Variants in FSD1L observed in about 807,000 individuals in gnomAD.
FSD1L encodes FSD1-like protein.
In FSD1L, 45 loss-of-function variants were observed where a neutral mutation model predicts 71.6. The observed-to-expected ratio is 0.63, with a 90% CI of 0.49 to 0.81. The LOEUF (loss-of-function observed/expected upper bound fraction) is 0.81. Ranked by LOEUF, FSD1L falls within the 30% of genes least tolerant of loss-of-function variation. The pLI, the probability that FSD1L is intolerant of heterozygous loss-of-function variation, is 0.00. For missense variants in FSD1L, 561 were observed against 618.1 expected, an observed-to-expected ratio of 0.91 and a Z score of 0.98; for synonymous variants, 197 against 207.2, an observed-to-expected ratio of 0.95 and a Z score of 0.42.
At chr9:105,522,254 G>C in intron 10 of FSD1L, 2 of 1,613,018 alleles carry the variant, frequency 1.2e-6, no homozygotes, top group South Asian at 2.2e-5. Flanking sequence ...TGACTATGGA[G>C]ACATTAACTA....
chr9:105,491,182 T>C (rs2131745149), intron 7 of FSD1L, among the ~76,000 whole-genome samples: 1 of 152,050 alleles, frequency 6.6e-6, no homozygotes, highest in South Asian at 2.1e-4. Flanking sequence ...TTTATTTCAT[T>C]GAGCAGTGAT....
At chr9:105,468,939 C>T (rs552521111) in intron 4 of FSD1L, among the ~76,000 whole-genome samples, 1 of 152,312 alleles carries the variant, frequency 6.6e-6, no homozygotes, top group Admixed American at 6.5e-5. Context: ...ATTTCCCCTT[C>T]TTACTAGCCC....
At chr9:105,493,826 G>C (rs1833139603) in intron 7 of FSD1L, among the ~76,000 whole-genome samples, 1 of 152,066 alleles carries the variant, frequency 6.6e-6, no homozygotes, top group Non-Finnish European at 1.5e-5. Flanking sequence ...TTGAATATTG[G>C]CCCCCACTCT....
At position 105,546,496 on chromosome 9, in the gene FSD1L, A is replaced by G; in HGVS notation, c.*13A>G. 1 of 1,530,668 alleles carries G rather than the reference A, an allele frequency of 6.5e-7. No homozygotes were observed. Among genetic ancestry groups the G allele is most frequent in the South Asian group, 1.3e-5 (1 of 79,568 alleles). 94.8% of individuals were successfully genotyped at this position (1,530,668 alleles called of 1,614,324 possible). A position where few individuals can be genotyped will look rare whatever the true frequency, so the allele number is the denominator to read the frequency against. ...TGTTACTCAATAGTGTCTACTCAGA[A>G]TACGTTTACCCTCCGTCTTGATTAG... On this transcript the variant is annotated 3_prime_UTR_variant, in exon 14 of 14. Coordinates refer to ENST00000481272, the MANE Select transcript of FSD1L (RefSeq NM_001145313.3).
rs79604338 is a variant in FSD1L, at chr9:105,547,292, T to TGTGTTTG, written c.*812_*818dup. ...CTAGTTTAATCCTACCTTTAATAGT[T>TGTGTTTG]GTGTTTGGTAAAATTCCCACTTGAA... On this transcript the variant is annotated 3_prime_UTR_variant, in exon 14 of 14. Transcript: ENST00000481272. The TGTGTTTG allele has an allele frequency of 0.27, 41,090 of 152,004 alleles. 5,714 individuals are homozygous for TGTGTTTG. Among genetic ancestry groups the TGTGTTTG allele is most frequent in the Non-Finnish European group, 0.31 (21,058 of 67,708 alleles). 9.4% of individuals were successfully genotyped at this position (152,004 alleles called of 1,614,324 possible).
At chr9:105,533,416 C>CTTTTTTTTTTTTTTTT (rs754896606) in intron 10 of FSD1L, among the ~76,000 whole-genome samples, 686 of 29,062 alleles carry the variant, frequency 0.024, 246 homozygotes, top group African/African-American at 0.035. Context: ...CCATTTCCAT[C>CTTTTTTTTTTTTTTTT]TTTTTTTTTT....
chr9:105,526,121 T>C lies in FSD1L; in HGVS notation c.1026-8372T>C, dbSNP rs368100823. On this transcript the variant is annotated intron_variant, in intron 10 of 13. Coordinates refer to ENST00000481272, the MANE Select transcript of FSD1L (RefSeq NM_001145313.3). ...GAGGTTCCCTTCTTTGGTCCCCTTT[T>C]TGATGGTGCTATTGTGAATGGAAAG... 25 of 1,557,646 alleles carry C rather than the reference T, an allele frequency of 1.6e-5. No homozygotes were observed. The South Asian group carries it at 2.3e-4, about 15-fold the overall frequency.
At chr9:105,497,767 A>G (rs1234745268) in intron 7 of FSD1L, among the ~76,000 whole-genome samples, 1 of 152,168 alleles carries the variant, frequency 6.6e-6, no homozygotes, top group African/African-American at 2.4e-5. Context: ...TGATCTGTCA[A>G]AGAACCAGGT....
chr9:105,539,223 T>G, intron 12 of FSD1L, 40 bp from the exon 13 acceptor site: 1 of 936,036 alleles, frequency 1.1e-6, no homozygotes, highest in Non-Finnish European at 1.6e-6. Flanking sequence ...TGTTACAATT[T>G]TTTGTATAAT....
chr9:105,520,575 T>C (rs1040960737), intron 10 of FSD1L: 2 of 1,384,284 alleles, frequency 1.4e-6, no homozygotes, highest in Non-Finnish European at 1.0e-6. Context: ...AGTTTCATAA[T>C]ATTGGATTGA....
Position 105,520,867 on chromosome 9 carries a change from A to T in FSD1L, c.1025+7931A>T. ...CAATCAGGAGATAAAGGGCAAGAAG[A>T]TCTCACAAGCTATTTTCTTGAAGCA... On this transcript the variant is annotated intron_variant, in intron 10 of 13. Coordinates refer to ENST00000481272, the MANE Select transcript of FSD1L (RefSeq NM_001145313.3). The T allele has an allele frequency of 2.5e-6, 4 of 1,612,266 alleles. No individual in the cohort carries two copies. The South Asian group carries it at 4.4e-5, about 18-fold the overall frequency.
chr9:105,482,626 AAAATT>A (rs1832284430), intron 6 of FSD1L, among the ~76,000 whole-genome samples: 1 of 152,206 alleles, frequency 6.6e-6, no homozygotes, highest in Admixed American at 6.5e-5. Context: ...CATGAAGTTA[AAAATT>A]AAAGTTCAGT....
At chr9:105,516,988 G>C (rs933946298) in intron 10 of FSD1L, among the ~76,000 whole-genome samples, 2 of 152,174 alleles carry the variant, frequency 1.3e-5, no homozygotes, top group South Asian at 2.1e-4. Context: ...TAAATGACCC[G>C]ATGGAGCTGA....
At chr9:105,501,393 A>C (rs1833750694) in intron 7 of FSD1L, among the ~76,000 whole-genome samples, 1 of 151,922 alleles carries the variant, frequency 6.6e-6, no homozygotes. Flanking sequence ...TTAAGGTGAC[A>C]CTGTTGCTTA....
chr9:105,543,497 A>G (rs202186068), intron 13 of FSD1L, among the ~76,000 whole-genome samples: 3 of 152,000 alleles, frequency 2.0e-5, no homozygotes, highest in Non-Finnish European at 4.4e-5. Flanking sequence ...GGTTTGTTAT[A>G]TATGTATACA....
rs1045453145 is a variant in FSD1L, at chr9:105,546,780, T to G, written c.*297T>G. 1 of 181,310 alleles carries G rather than the reference T, an allele frequency of 5.5e-6. No homozygotes were observed. Among genetic ancestry groups the G allele is most frequent in the African/African-American group, 2.5e-5 (1 of 39,900 alleles). The allele number at this position is 181,310 out of a possible 1,614,324, so 11.2% of individuals were successfully genotyped here. The stretch of plus-strand genomic sequence containing the variant: ...GTATTTCTTGGATTACTTTGACTAT[T>G]CTAATGTTTAATTACATATGGTAAC... On this transcript the variant is annotated 3_prime_UTR_variant, in exon 14 of 14. Transcript: ENST00000481272.
chr9:105,518,550 C>T (rs1463017769), intron 10 of FSD1L, among the ~76,000 whole-genome samples: 1 of 152,166 alleles, frequency 6.6e-6, no homozygotes, highest in Non-Finnish European at 1.5e-5. Flanking sequence ...ACAACCTGCT[C>T]CTGAATGACT....
Position 105,549,137 on chromosome 9 carries a change from G to A in FSD1L, c.*2654G>A, listed in dbSNP as rs1041265853. Reference sequence around the variant, plus strand: ...GCTTATTTAGTTTTTGTTTCTACAGGTCAAACATGATTGCTTTCTATAAAA... The same window carrying A: ...GCTTATTTAGTTTTTGTTTCTACAGATCAAACATGATTGCTTTCTATAAAA... On this transcript the variant is annotated 3_prime_UTR_variant, in exon 14 of 14. Coordinates refer to ENST00000481272, the MANE Select transcript of FSD1L (RefSeq NM_001145313.3). 1.3e-5 allele frequency: 2 copies of A among 151,826 alleles called. No homozygotes were observed. Among genetic ancestry groups the A allele is most frequent in the Non-Finnish European group, 2.9e-5 (2 of 67,884 alleles). 9.4% of individuals were successfully genotyped at this position (151,826 alleles called of 1,614,324 possible).
chr9:105,443,291 G>A (rs537825468), upstream of FSD1L, among the ~76,000 whole-genome samples: 14 of 152,298 alleles, frequency 9.2e-5, no homozygotes, highest in East Asian at 1.3e-3. Flanking sequence ...GGCCGAAGGC[G>A]AAAGGCACAT....
Sources: gnomAD v4.1 joint callset for allele counts (sites outside exome capture counted in the v4.1 genomes callset) on GRCh38, gnomAD v4.1.1 for gene constraint, MANE v1.5 for transcripts, NCBI Gene and HGNC (gene_info 2026-07-23, HGNC 2026-07-21) for gene names.